The following MYRIP variants were observed in gnomAD, a reference collection of about 807,000 sequenced individuals.
The protein encoded by MYRIP is rab effector MyRIP.
A neutral mutation model predicts 98.0 loss-of-function variants in MYRIP; 49 were observed. The ratio of observed to expected loss-of-function variants is 0.50; its 90% CI spans 0.40 to 0.63. The LOEUF (loss-of-function observed/expected upper bound fraction) is 0.63, where lower values mean the gene tolerates loss of function less well. Among genes scored for constraint, MYRIP ranks in the 30% least tolerant of loss-of-function variants. The pLI is 0.00. For missense variants in MYRIP, 1,004 were observed against 1,058.2 expected, an observed-to-expected ratio of 0.95 and a Z score of 0.71; for synonymous variants, 404 against 409.5, an observed-to-expected ratio of 0.99 and a Z score of 0.16.
chr3:39,861,228 C>G (rs968861419), intron 1 of MYRIP, among the ~76,000 whole-genome samples: 1 of 152,202 alleles, frequency 6.6e-6, no homozygotes, highest in African/African-American at 2.4e-5. Flanking sequence ...GAGTCCTCAG[C>G]TGACCCTTGG....
intron 11 of MYRIP, among the ~76,000 whole-genome samples, chr3:40,219,097 T>C (rs1952243496): frequency 6.6e-6 from 1 of 152,206 alleles, no homozygotes; most frequent in African/African-American, 2.4e-5. Context: ...TAACAAATTA[T>C]GTAGCACATG....
intron 3 of MYRIP, among the ~76,000 whole-genome samples, chr3:40,080,050 G>A (rs1292980279): frequency 6.6e-6 from 1 of 152,104 alleles, no homozygotes; most frequent in East Asian, 1.9e-4. Flanking sequence ...TAACAACCTT[G>A]GAAAGGTCCT....
intron 2 of MYRIP, among the ~76,000 whole-genome samples, chr3:40,020,727 A>G (rs1316216053): frequency 3.9e-5 from 6 of 152,202 alleles, no homozygotes; most frequent in Admixed American, 3.9e-4. Context: ...AAGGCATATA[A>G]TCACTTTTCT....
chr3:39,902,828 A>G (rs1943776570), intron 2 of MYRIP, among the ~76,000 whole-genome samples: 1 of 152,218 alleles, frequency 6.6e-6, no homozygotes, highest in Admixed American at 6.5e-5. Context: ...AAAATTTTAA[A>G]GAAAGAGCAG....
At chr3:40,007,172 ATTT>A (rs1159506705) in intron 2 of MYRIP, among the ~76,000 whole-genome samples, 2 of 152,190 alleles carry the variant, frequency 1.3e-5, no homozygotes, top group African/African-American at 4.8e-5. Flanking sequence ...AGGCAGCCTC[ATTT>A]TTGTCAGAAT....
At chr3:39,891,487 C>A (rs746288698) in intron 1 of MYRIP, among the ~76,000 whole-genome samples, 1 of 152,080 alleles carries the variant, frequency 6.6e-6, no homozygotes, top group Non-Finnish European at 1.5e-5. Flanking sequence ...CAGATTATTT[C>A]CAGGTATTTG....
At chr3:40,141,960 T>A (rs1201013738) in intron 3 of MYRIP, among the ~76,000 whole-genome samples, 1 of 152,112 alleles carries the variant, frequency 6.6e-6, no homozygotes, top group African/African-American at 2.4e-5. Context: ...ATCTTAGGAA[T>A]TTCTTTCTAT....
rs1413569421 is a variant in MYRIP at position 40,031,244 on chromosome 3, A to G, written c.111-12806A>G. On this transcript the variant is annotated intron_variant, in intron 2 of 16. Coordinates refer to ENST00000302541, the MANE Select transcript of MYRIP (RefSeq NM_015460.4). ...GCAAGGCGGCCCTGGAGTCCCATAT[A>G]TAATGGTACTAGTCCCATTCACGAG... Among the ~76,000 whole-genome samples, 6 of 152,086 alleles carry G rather than the reference A, an allele frequency of 3.9e-5. No homozygotes were observed. The East Asian group carries it at 1.2e-3, about 29-fold the overall frequency.
intron 2 of MYRIP, among the ~76,000 whole-genome samples, chr3:40,031,881 T>A (rs1238107722): frequency 6.6e-6 from 1 of 152,182 alleles, no homozygotes; most frequent in Non-Finnish European, 1.5e-5. Flanking sequence ...TTCTCTCTTT[T>A]CTTCTTTATT....
At chr3:39,882,971 AAAT>A (rs886813861) in intron 1 of MYRIP, among the ~76,000 whole-genome samples, 2 of 151,796 alleles carry the variant, frequency 1.3e-5, no homozygotes, top group African/African-American at 4.9e-5. Context: ...TATGAGAGAA[AAAT>A]AAAAAATATG....
chr3:40,062,647 G>A (rs960341222), intron 3 of MYRIP, among the ~76,000 whole-genome samples: 2 of 152,084 alleles, frequency 1.3e-5, no homozygotes, highest in African/African-American at 4.8e-5. Flanking sequence ...TAAAATGACT[G>A]TGCTTTACAT....
At chr3:40,044,352 C>G in intron 3 of MYRIP, 81 bp downstream of exon 3, 1 of 1,367,882 alleles carries the variant, frequency 7.3e-7, no homozygotes, top group African/African-American at 1.4e-5. Flanking sequence ...CAGGTAGAAC[C>G]AGCTATGATT....
At chr3:40,063,806 T>A (rs879631906) in intron 3 of MYRIP, among the ~76,000 whole-genome samples, 3 of 152,174 alleles carry the variant, frequency 2.0e-5, no homozygotes, top group Non-Finnish European at 4.4e-5. Context: ...TGATCACTAT[T>A]CATGCTTATG....
chr3:40,214,753 A>G (rs1952066888), intron 11 of MYRIP, among the ~76,000 whole-genome samples: 1 of 152,120 alleles, frequency 6.6e-6, no homozygotes, highest in South Asian at 2.1e-4. Context: ...TTTCTCCCCA[A>G]CCACTGAACA....
At chr3:40,129,709 C>G (rs917374781) in intron 3 of MYRIP, among the ~76,000 whole-genome samples, 1 of 152,146 alleles carries the variant, frequency 6.6e-6, no homozygotes, top group Non-Finnish European at 1.5e-5. Flanking sequence ...GCACAGTGCC[C>G]TACTGTGTTG....
At chr3:40,154,668 C>T (rs1015429558) in intron 4 of MYRIP, among the ~76,000 whole-genome samples, 1 of 152,102 alleles carries the variant, frequency 6.6e-6, no homozygotes, top group Non-Finnish European at 1.5e-5. Flanking sequence ...GTATAAGCCC[C>T]ACATGTATTA....
At chr3:40,003,192 T>C (rs1203546894) in intron 2 of MYRIP, among the ~76,000 whole-genome samples, 1 of 152,162 alleles carries the variant, frequency 6.6e-6, no homozygotes, top group Non-Finnish European at 1.5e-5. Flanking sequence ...CATATATAGA[T>C]ATCTATAAAT....
chr3:39,967,864 T>C (rs1425720933), intron 2 of MYRIP, among the ~76,000 whole-genome samples: 1 of 152,224 alleles, frequency 6.6e-6, no homozygotes, highest in East Asian at 1.9e-4. Flanking sequence ...ATATGCTTGT[T>C]GGCCACACGT....
At chr3:39,966,683 G>A (rs976994313) in intron 2 of MYRIP, among the ~76,000 whole-genome samples, 5 of 152,124 alleles carry the variant, frequency 3.3e-5, no homozygotes, top group African/African-American at 4.8e-5. Context: ...AGAGAATGCC[G>A]AGGACGGAGA....
Sources: allele counts gnomAD v4.1 joint callset (sites outside exome capture counted in the v4.1 genomes callset), GRCh38; gene constraint gnomAD v4.1.1; transcripts MANE v1.5; gene names NCBI Gene and HGNC (gene_info 2026-07-23, HGNC 2026-07-21).